PCTP: variants seen among roughly 807,000 people sequenced by gnomAD.
PCTP encodes the protein START domain-containing protein 2.
A neutral mutation model predicts 31.0 loss-of-function variants in PCTP; 27 were observed. The observed-to-expected ratio is 0.87, with a 90% CI of 0.64 to 1.20. PCTP has a LOEUF of 1.20. Ranked by LOEUF, PCTP falls within the 50% of genes most tolerant of loss-of-function variation. The pLI, the probability that PCTP is intolerant of heterozygous loss-of-function variation, is 0.00. For missense variants in PCTP, 287 were observed against 268.2 expected (o/e 1.07, Z -0.49); for synonymous variants, 108 against 101.2 (o/e 1.07, Z -0.40).
rs191587690 is a variant in PCTP, at chr17:55,831,689, C to T, written n.505+8762C>T. Among the ~76,000 whole-genome samples, 4 of 152,268 alleles carry T rather than the reference C, an allele frequency of 2.6e-5. No individual in the cohort carries two copies. In the East Asian group the frequency reaches 5.8e-4, roughly 22 times the overall value. ...ATCTGTTCCAACGTCAAGTTTACTA[C>T]CTAAACCCTGTATTTCCCAAATTCC... On this transcript the variant is annotated intron_variant and non_coding_transcript_variant, in intron 5 of 5. Coordinates refer to the PCTP transcript ENST00000576221.
chr17:55,813,304 T>A (rs1435185782), intron 3 of PCTP, among the ~76,000 whole-genome samples: 1 of 152,208 alleles, frequency 6.6e-6, no homozygotes. Context: ...CACCTTGCTC[T>A]GTTATCCAGG....
At chr17:55,802,532 C>T (rs1184861217) in intron 3 of PCTP, among the ~76,000 whole-genome samples, 3 of 152,232 alleles carry the variant, frequency 2.0e-5, no homozygotes, top group South Asian at 2.1e-4. Context: ...ATGGTCAAGT[C>T]GGCTTTATCC....
chr17:55,808,237 G>T (rs1284220864), intron 3 of PCTP, among the ~76,000 whole-genome samples: 1 of 152,180 alleles, frequency 6.6e-6, no homozygotes, highest in Non-Finnish European at 1.5e-5. Context: ...TCTATGAATT[G>T]CCAAATGCAA....
intron 3 of PCTP, among the ~76,000 whole-genome samples, chr17:55,798,121 A>C (rs1157011727): frequency 6.6e-6 from 1 of 152,058 alleles, no homozygotes; most frequent in Non-Finnish European, 1.5e-5. Context: ...CAGATTAAAC[A>C]CAAGTGAAGT....
At chr17:55,814,941 C>T (rs2145052424) in intron 3 of PCTP, among the ~76,000 whole-genome samples, 1 of 152,304 alleles carries the variant, frequency 6.6e-6, no homozygotes, top group East Asian at 1.9e-4. Flanking sequence ...TCAGCTCAGC[C>T]TCTGTTTCAG....
At chr17:55,754,658 G>T (rs1303543450) in intron 1 of PCTP, among the ~76,000 whole-genome samples, 2 of 152,224 alleles carry the variant, frequency 1.3e-5, no homozygotes, top group Non-Finnish European at 2.9e-5. Flanking sequence ...GGCCTGTCCA[G>T]ATTCTTCTGG....
rs1301747779 is a variant in PCTP at position 55,771,125 on chromosome 17, C to G, written c.279C>G (p.Cys93Trp). The G allele has an allele frequency of 1.2e-6, 2 of 1,613,138 alleles. No individual in the cohort carries two copies. The highest frequency in any genetic ancestry group is 3.3e-5 in the Admixed American group (2 of 59,998). Residue 93 changes from cysteine (C) to tryptophan (W), a missense_variant, in exon 3 of 6, where the codon TGC becomes TGG. Cys to Trp is a radical substitution (Grantham distance 215, BLOSUM62 -2). Transcript: ENST00000268896. ...CTTTAGAACTCTATGAACAAGAATG[C>G]AACGGAGAGACTGTGGTCTACTGGG... ...QYVKELYEQECNGETVVYWEV... is the reference protein window; with the variant it reads ...QYVKELYEQEWNGETVVYWEV...
intron 3 of PCTP, among the ~76,000 whole-genome samples, chr17:55,807,821 A>G (rs1027489117): frequency 5.9e-5 from 9 of 152,148 alleles, no homozygotes; most frequent in African/African-American, 2.2e-4. Context: ...CTTGAATTCA[A>G]TCTATTACAT....
At chr17:55,848,815 T>C in the PCTP span, among the ~76,000 whole-genome samples, 1 of 152,190 alleles carries the variant, frequency 6.6e-6, no homozygotes, top group African/African-American at 2.4e-5. Flanking sequence ...TAACCAGAAA[T>C]GTATTTGACT....
At chr17:55,771,937 A>T (rs1420186940) in intron 3 of PCTP, among the ~76,000 whole-genome samples, 2 of 152,122 alleles carry the variant, frequency 1.3e-5, no homozygotes, top group Non-Finnish European at 2.9e-5. Context: ...TTCAATTTCC[A>T]TGTAAGATCC....
chr17:55,776,272 A>G lies in PCTP; in HGVS notation c.*172A>G. 2 of 1,386,876 alleles carry G rather than the reference A, an allele frequency of 1.4e-6. No individual in the cohort carries two copies. Among genetic ancestry groups the G allele is most frequent in the Non-Finnish European group, 1.9e-6 (2 of 1,070,768 alleles). The allele number at this position is 1,386,876 out of a possible 1,614,324, so 85.9% of individuals were successfully genotyped here. ...TGTCTTCAGAGGCCTACACACTACC[A>G]CATCCTTTCTAAGCATGTTTGCCTG... is the stretch of plus-strand genomic sequence containing the variant. On this transcript the variant is annotated 3_prime_UTR_variant, in exon 6 of 6. Coordinates refer to ENST00000268896, the MANE Select transcript of PCTP (RefSeq NM_021213.4).
intron 3 of PCTP, among the ~76,000 whole-genome samples, chr17:55,810,274 C>A (rs1013647582): frequency 2.6e-5 from 4 of 152,342 alleles, no homozygotes; most frequent in Middle Eastern, 3.4e-3. Flanking sequence ...GCCTTGGCTT[C>A]CCAAAGCATT....
At chr17:55,831,863 C>T (rs566296397) in intron 5 of PCTP, among the ~76,000 whole-genome samples, 248 of 152,178 alleles carry the variant, frequency 1.6e-3, no homozygotes, top group African/African-American at 5.7e-3. Context: ...AGGCAGATCT[C>T]GAGGTCAGGA....
intron 3 of PCTP, among the ~76,000 whole-genome samples, chr17:55,819,239 A>G (rs547975113): frequency 2.6e-5 from 4 of 152,254 alleles, no homozygotes; most frequent in African/African-American, 9.6e-5. Context: ...CCCTAAGATC[A>G]GAAATAAGAC....
intron 5 of PCTP, among the ~76,000 whole-genome samples, chr17:55,840,599 A>G (rs1905948033): frequency 6.6e-6 from 1 of 152,220 alleles, no homozygotes; most frequent in South Asian, 2.1e-4. Flanking sequence ...GAGACAGCGC[A>G]AGAGTGAGAG....
At chr17:55,807,326 A>C (rs947515441) in intron 3 of PCTP, among the ~76,000 whole-genome samples, 3 of 152,282 alleles carry the variant, frequency 2.0e-5, no homozygotes, top group Middle Eastern at 3.4e-3. Context: ...ATAGATTTCT[A>C]CTGGCAGAAG....
At chr17:55,816,093 T>C (rs974265708) in intron 3 of PCTP, among the ~76,000 whole-genome samples, 2 of 152,208 alleles carry the variant, frequency 1.3e-5, no homozygotes, top group African/African-American at 4.8e-5. Context: ...AACAGCTTTA[T>C]TGAGATATCA....
At chr17:55,834,570 C>A (rs896039537) in intron 5 of PCTP, among the ~76,000 whole-genome samples, 1 of 152,216 alleles carries the variant, frequency 6.6e-6, no homozygotes. Context: ...CAGCTTTTCA[C>A]CTGCGGTCCA....
chr17:55,846,312 CA>C (rs1178201505), downstream of PCTP, among the ~76,000 whole-genome samples: 1 of 152,164 alleles, frequency 6.6e-6, no homozygotes, highest in Non-Finnish European at 1.5e-5. Context: ...GTGTCAGGGA[CA>C]GGGGTGGCTT....
Sources: gnomAD v4.1 joint callset for allele counts (sites outside exome capture counted in the v4.1 genomes callset) on GRCh38, gnomAD v4.1.1 for gene constraint, MANE v1.5 for transcripts, NCBI Gene and HGNC (gene_info 2026-07-23, HGNC 2026-07-21) for gene names.